Variants in NTRK3 observed in about 807,000 individuals in gnomAD.
The protein encoded by NTRK3 is NT-3 growth factor receptor.
NTRK3 carries 24 observed loss-of-function variants against 91.7 expected under a neutral mutation model. That is an observed-to-expected ratio of 0.26 (90% CI 0.19 to 0.37). The LOEUF (loss-of-function observed/expected upper bound fraction) is 0.37, where lower values mean the gene tolerates loss of function less well. Among genes scored for constraint, NTRK3 ranks in the 10% least tolerant of loss-of-function variants. The pLI, the probability that NTRK3 is intolerant of heterozygous loss-of-function variation, is 1.00. For missense variants in NTRK3, 880 were observed against 1,068.9 expected (o/e 0.82, Z 2.46); for synonymous variants, 483 against 404.0 (o/e 1.20, Z -2.34).
chr15:88,080,435 T>C (rs1268339332), intron 13 of NTRK3, among the ~76,000 whole-genome samples: 3 of 152,352 alleles, frequency 2.0e-5, no homozygotes, highest in African/African-American at 4.8e-5. Flanking sequence ...AATTAATGTT[T>C]CTTTGATCCC....
chr15:88,203,261 T>C (rs1011126205), intron 3 of NTRK3, among the ~76,000 whole-genome samples: 7 of 152,184 alleles, frequency 4.6e-5, no homozygotes, highest in Non-Finnish European at 1.0e-4. Context: ...AATATTTCTC[T>C]CAGGATCTGC....
Position 87,949,280 on chromosome 15 carries a change from G to A in NTRK3, c.1586-8527C>T, listed in dbSNP as rs566336040. Among the ~76,000 whole-genome samples, 12 of 152,092 alleles carry A rather than the reference G, an allele frequency of 7.9e-5. No homozygotes were observed. In the East Asian group the frequency reaches 1.6e-3, roughly 20 times the overall value. On this transcript the variant is annotated intron_variant, in intron 14 of 18. Transcript: ENST00000394480. ...GAGAATGGCCCGAGGAACCAAGATCGTATTGAACCAGGAAAGTACTGAGAC... is the reference window on the plus strand; with the variant it reads ...GAGAATGGCCCGAGGAACCAAGATCATATTGAACCAGGAAAGTACTGAGAC...
intron 13 of NTRK3, among the ~76,000 whole-genome samples, chr15:88,035,288 C>T (rs964905604): frequency 1.3e-5 from 2 of 152,062 alleles, no homozygotes; most frequent in Non-Finnish European, 2.9e-5. Flanking sequence ...CAAGGTGCCC[C>T]GCCCCCACTA....
At chr15:88,158,304 TGACCCC>T (rs1300897225) in intron 5 of NTRK3, among the ~76,000 whole-genome samples, 1 of 152,184 alleles carries the variant, frequency 6.6e-6, no homozygotes, top group Non-Finnish European at 1.5e-5. Flanking sequence ...GTCCAGGTGG[TGACCCC>T]TTGAATTCAG....
At chr15:88,057,126 G>A (rs866071235) in intron 13 of NTRK3, among the ~76,000 whole-genome samples, 20 of 145,270 alleles carry the variant, frequency 1.4e-4, no homozygotes, top group African/African-American at 4.4e-4. Context: ...TCGAGATCGC[G>A]CCACTGCACT....
intron 14 of NTRK3, among the ~76,000 whole-genome samples, chr15:87,974,938 G>A (rs1298904615): frequency 2.0e-5 from 3 of 152,148 alleles, no homozygotes; most frequent in Non-Finnish European, 2.9e-5. Context: ...AGGAGCAGAA[G>A]ATGTGCTACT....
At chr15:87,972,299 G>T (rs148953110) in intron 14 of NTRK3, among the ~76,000 whole-genome samples, 37 of 152,294 alleles carry the variant, frequency 2.4e-4, no homozygotes, top group African/African-American at 8.7e-4. Flanking sequence ...AAGGCTTCCA[G>T]CATTACTTAC....
intron 5 of NTRK3, among the ~76,000 whole-genome samples, chr15:88,182,000 A>G (rs1290824217): frequency 6.6e-6 from 1 of 152,196 alleles, no homozygotes; most frequent in African/African-American, 2.4e-5. Flanking sequence ...ATCTGGTCCA[A>G]GACCCTCCTC....
intron 17 of NTRK3, among the ~76,000 whole-genome samples, chr15:87,906,317 G>A (rs146191060): frequency 7.2e-5 from 11 of 152,336 alleles, no homozygotes; most frequent in Admixed American, 2.0e-4. Flanking sequence ...GCTGTAAGCT[G>A]CCCTTCCGTT....
chr15:87,986,366 A>G (rs1295789925), intron 14 of NTRK3, among the ~76,000 whole-genome samples: 1 of 152,232 alleles, frequency 6.6e-6, no homozygotes, highest in Middle Eastern at 3.2e-3. Flanking sequence ...TCAAATTTCT[A>G]AACAAATAAT....
intron 14 of NTRK3, among the ~76,000 whole-genome samples, chr15:87,947,673 G>T (rs1370494779): frequency 6.6e-6 from 1 of 152,024 alleles, no homozygotes; most frequent in Non-Finnish European, 1.5e-5. Context: ...GGAGGGAGGA[G>T]GGAGATTCTT....
chr15:88,117,418 T>C (rs1474854967), intron 13 of NTRK3, among the ~76,000 whole-genome samples: 2 of 152,226 alleles, frequency 1.3e-5, no homozygotes, highest in East Asian at 3.9e-4. Flanking sequence ...CTGATATTCT[T>C]GTCTTTCGCC....
chr15:88,046,526 A>G (rs1216944326), intron 13 of NTRK3, among the ~76,000 whole-genome samples: 1 of 152,172 alleles, frequency 6.6e-6, no homozygotes, highest in East Asian at 1.9e-4. Flanking sequence ...GAGGACAGAG[A>G]GGAAGGCAGT....
chr15:88,135,654 T>G (rs1461894478), intron 9 of NTRK3, among the ~76,000 whole-genome samples: 2 of 152,156 alleles, frequency 1.3e-5, no homozygotes, highest in African/African-American at 4.8e-5. Flanking sequence ...TAGGCCAACT[T>G]AGAAGTGTCC....
At chr15:88,242,669 T>A (rs1365667880) in intron 3 of NTRK3, among the ~76,000 whole-genome samples, 1 of 152,036 alleles carries the variant, frequency 6.6e-6, no homozygotes, top group African/African-American at 2.4e-5. Flanking sequence ...GGCGCTAGGA[T>A]GAAAGGGGGT....
At chr15:88,058,158 G>A (rs562625608) in intron 13 of NTRK3, among the ~76,000 whole-genome samples, 2 of 152,296 alleles carry the variant, frequency 1.3e-5, no homozygotes, top group Admixed American at 6.5e-5. Flanking sequence ...ACAGGGTCAG[G>A]AGCAAGTGTG....
At chr15:88,015,333 A>G (rs1253499670) in intron 14 of NTRK3, among the ~76,000 whole-genome samples, 4 of 152,082 alleles carry the variant, frequency 2.6e-5, no homozygotes, top group Admixed American at 2.6e-4. Context: ...CATCAACAAG[A>G]CCTGCTCCCT....
At chr15:87,880,303 T>C (rs372438972) in exon 18 of NTRK3, 8 of 1,613,986 alleles carry the variant, frequency 5.0e-6, no homozygotes, top group Non-Finnish European at 6.8e-6. Context: ...ATGGCTGCTT[T>C]CCATAGGTGA....
chr15:87,888,685 T>C lies in NTRK3; in HGVS notation c.2134-8257A>G, dbSNP rs1017270244. Among the ~76,000 whole-genome samples the C allele has an allele frequency of 2.0e-5, 3 of 152,198 alleles. 1 individual carries two copies. The highest frequency in any genetic ancestry group is 7.2e-5 in the African/African-American group (3 of 41,444). ...ATTAAACACAGGATGCCCAGTTAAA[T>C]TTGACTTTCAGTTGAACAACATTTT... On this transcript the variant is annotated intron_variant, in intron 17 of 18. Transcript: ENST00000394480.
Sources: allele counts gnomAD v4.1 joint callset (sites outside exome capture counted in the v4.1 genomes callset), GRCh38; gene constraint gnomAD v4.1.1; transcripts MANE v1.5; gene names NCBI Gene and HGNC (gene_info 2026-07-23, HGNC 2026-07-21).